The following ZNF799 variants were observed in gnomAD, a reference collection of about 807,000 sequenced individuals.
The protein encoded by ZNF799 is zinc finger protein 14.
ZNF799 carries 28 observed loss-of-function variants against 41.0 expected under a neutral mutation model. The observed-to-expected ratio is 0.68, with a 90% CI of 0.51 to 0.94. The LOEUF (loss-of-function observed/expected upper bound fraction) is 0.94, where lower values mean the gene tolerates loss of function less well. Among genes scored for constraint, ZNF799 ranks in the 40% least tolerant of loss-of-function variants. The probability of loss-of-function intolerance (pLI) is 0.00; values close to 1 mark genes in which losing one functional copy is unlikely to be tolerated. For synonymous variants in ZNF799, 213 were observed against 252.9 expected (o/e 0.84, Z 1.50); for missense variants, 716 against 764.3 (o/e 0.94, Z 0.74).
At chr19:12,394,459 A>C (rs886914756) in intron 1 of ZNF799, 1 of 469,538 alleles carries the variant, frequency 2.1e-6, no homozygotes, top group Non-Finnish European at 2.8e-6. Context: ...CTTTCTGGGT[A>C]GATAACATTT....
At chr19:12,408,831 C>G in the ZNF799 span, among the ~76,000 whole-genome samples, 31 of 152,114 alleles carry the variant, frequency 2.0e-4, no homozygotes, top group South Asian at 8.3e-4. Flanking sequence ...GTCGGGAGTT[C>G]AAGACCAGTG....
At chr19:12,409,949 C>T in the ZNF799 span, among the ~76,000 whole-genome samples, 1 of 152,064 alleles carries the variant, frequency 6.6e-6, no homozygotes, top group Non-Finnish European at 1.5e-5. Flanking sequence ...GAGTTGGAGA[C>T]CAGCCTGGCC....
At chr19:12,403,706 C>A (rs143329787), upstream of ZNF799, among the ~76,000 whole-genome samples, 1 of 152,110 alleles carries the variant, frequency 6.6e-6, no homozygotes, top group Non-Finnish European at 1.5e-5. Context: ...GCACCCACCA[C>A]CATGTCTGGT....
chr19:12,394,072 TAA>T (rs75197208), intron 1 of ZNF799: 3 of 144,228 alleles, frequency 2.1e-5, no homozygotes, highest in Non-Finnish European at 3.0e-5. Flanking sequence ...AAAGTGGCAG[TAA>T]AAAAAAAAAA....
At chr19:12,394,426 C>G in intron 1 of ZNF799, 1 of 221,602 alleles carries the variant, frequency 4.5e-6, no homozygotes, top group Non-Finnish European at 7.6e-6. Context: ...AAGAAACACT[C>G]TGGGCATTGG....
chr19:12,408,288 GAAGA>G, the ZNF799 span, among the ~76,000 whole-genome samples: 1 of 151,906 alleles, frequency 6.6e-6, no homozygotes, highest in Non-Finnish European at 1.5e-5. Flanking sequence ...TATACTAATA[GAAGA>G]AAGAAAGAAA....
chr19:12,390,861 A>T lies in ZNF799; in HGVS notation c.1537T>A (p.Phe513Ile). 1 of 1,614,134 alleles carries T rather than the reference A, an allele frequency of 6.2e-7. No individual in the cohort carries two copies. The highest frequency in any genetic ancestry group is 8.5e-7 in the Non-Finnish European group (1 of 1,180,006). The part of the protein sequence containing the change: ...PYECNTCKKA[F>I]SHFGNLKVHE... ...ACTTTTAAGTTACCAAAATGACTGA[A>T]GGCTTTCTTACATGTGTTACACTCA... Residue 513 changes from phenylalanine to isoleucine, a missense_variant, in exon 4 of 4, where the codon TTC (phenylalanine) becomes ATC (isoleucine). Physicochemically the swap from Phe to Ile is conservative, Grantham distance 21. Around this residue, in one of 2 missense-constraint regions of ZNF799, gnomAD observed 698 missense variants for 713.6 expected, o/e 0.98. Coordinates refer to ENST00000430385, the MANE Select transcript of ZNF799 (RefSeq NM_001080821.3).
chr19:12,391,250 T>C lies in ZNF799; in HGVS notation c.1148A>G (p.His383Arg), dbSNP rs540623094. The part of the protein sequence containing the change: ...ALSHSSSFRR[H>R]MTMHTGDGPH... The stretch of plus-strand genomic sequence containing the variant: ...TCCATCTCCAGTGTGCATTGTCATG[T>C]GTCTTCGAAAGCTTGAGCTATGAGA... The change falls in exon 4 of 4, where the codon CAC becomes CGC. Residue 383 changes from histidine to arginine, a missense_variant. Physicochemically the swap from His to Arg is conservative, Grantham distance 29. Transcript: ENST00000430385. 1 of 1,614,210 alleles carries C rather than the reference T, an allele frequency of 6.2e-7. No homozygotes were observed. Among genetic ancestry groups the C allele is most frequent in the African/African-American group, 1.3e-5 (1 of 75,064 alleles).
At chr19:12,405,896 C>T (rs373157474), upstream of ZNF799, among the ~76,000 whole-genome samples, 2 of 152,020 alleles carry the variant, frequency 1.3e-5, no homozygotes, top group African/African-American at 2.4e-5. Flanking sequence ...ACTTTAGAGC[C>T]GAGCGCGATG....
intron 1 of ZNF799, chr19:12,394,334 A>C (rs1428741599): frequency 6.4e-6 from 1 of 156,292 alleles, no homozygotes; most frequent in East Asian, 1.9e-4. Flanking sequence ...CAGAAATGTA[A>C]AAATTAAATA....
Sources: allele counts gnomAD v4.1 joint callset (sites outside exome capture counted in the v4.1 genomes callset), GRCh38; gene constraint gnomAD v4.1.1; regional missense constraint gnomAD v4.1.1; transcripts MANE v1.5; gene names NCBI Gene and HGNC (gene_info 2026-07-23, HGNC 2026-07-21).